The following SLC2A9 variants were observed in gnomAD, a reference collection of about 807,000 sequenced individuals.
SLC2A9 encodes solute carrier family 2, facilitated glucose transporter member 9.
A neutral mutation model predicts 50.6 loss-of-function variants in SLC2A9; 39 were observed. That is an observed-to-expected ratio of 0.77 (90% CI 0.60 to 1.01). SLC2A9 has a LOEUF of 1.01. Ranked by LOEUF, SLC2A9 falls within the 50% of genes least tolerant of loss-of-function variation. SLC2A9 has a pLI of 0.00. For synonymous variants in SLC2A9, 324 were observed against 276.9 expected, an observed-to-expected ratio of 1.17 and a Z score of -1.69; for missense variants, 686 against 677.6, an observed-to-expected ratio of 1.01 and a Z score of -0.14.
At position 10,029,832 on chromosome 4, in the gene SLC2A9, C is replaced by T. The variant is rs992890648; in HGVS notation, c.-40-3826G>A. Among the ~76,000 whole-genome samples, 4 of 151,752 alleles carry T rather than the reference C, an allele frequency of 2.6e-5. No individual in the cohort carries two copies. The South Asian group carries it at 8.3e-4, about 32-fold the overall frequency. ...GTTTTTTTTAGTAGAGATGGGGTTT[C>T]GCCATGTTGGCCAGGATGGTCTGGA... On this transcript the variant is annotated intron_variant, in intron 1 of 12. Transcript: ENST00000309065.
intron 11 of SLC2A9, 79 bp downstream of exon 11, chr4:9,834,802 T>C: frequency 6.3e-7 from 1 of 1,599,280 alleles, no homozygotes; most frequent in Non-Finnish European, 8.6e-7. Flanking sequence ...AGAGATCAAC[T>C]TCTGCTCTAT....
downstream of SLC2A9, among the ~76,000 whole-genome samples, chr4:9,823,244 T>C (rs574824728): frequency 6.6e-6 from 1 of 152,214 alleles, no homozygotes; most frequent in South Asian, 2.1e-4. Flanking sequence ...CAACTCCTGG[T>C]CAGGAATTAG....
intron 5 of SLC2A9, among the ~76,000 whole-genome samples, chr4:9,979,749 T>A (rs1755391980): frequency 6.6e-6 from 1 of 151,964 alleles, no homozygotes; most frequent in South Asian, 2.1e-4. Flanking sequence ...GGCTTCCTAT[T>A]CCCCCAGGGT....
chr4:9,927,501 A>G (rs1745125166), intron 6 of SLC2A9, among the ~76,000 whole-genome samples: 1 of 152,246 alleles, frequency 6.6e-6, no homozygotes. Flanking sequence ...ATAGGGCAAT[A>G]GCCTCGTATA....
intron 1 of SLC2A9, among the ~76,000 whole-genome samples, chr4:10,019,646 GTGC>G (rs1222696186): frequency 1.3e-5 from 2 of 152,212 alleles, no homozygotes; most frequent in Non-Finnish European, 1.5e-5. Context: ...CGTCACCTGA[GTGC>G]CGTTGTCCAA....
chr4:9,955,980 C>T (rs1031142324), intron 5 of SLC2A9, among the ~76,000 whole-genome samples: 2 of 141,824 alleles, frequency 1.4e-5, no homozygotes, highest in Non-Finnish European at 3.0e-5. Flanking sequence ...CATGTTCAAG[C>T]GATTCTCCTG....
intron 3 of SLC2A9, among the ~76,000 whole-genome samples, chr4:9,812,169 C>T (rs1451314038): frequency 6.6e-6 from 1 of 152,176 alleles, no homozygotes; most frequent in Non-Finnish European, 1.5e-5. Flanking sequence ...ATTTTCAGCA[C>T]TTTTAAAGTT....
At chr4:9,985,023 G>A (rs1756477697) in intron 4 of SLC2A9, among the ~76,000 whole-genome samples, 1 of 152,066 alleles carries the variant, frequency 6.6e-6, no homozygotes, top group African/African-American at 2.4e-5. Flanking sequence ...CTCTCTGCTG[G>A]GAACAGTTCT....
At chr4:9,841,101 A>T (rs1043570707) in intron 10 of SLC2A9, among the ~76,000 whole-genome samples, 13 of 152,196 alleles carry the variant, frequency 8.5e-5, no homozygotes, top group African/African-American at 3.1e-4. Flanking sequence ...ACAGAACCAA[A>T]TCATATTCTG....
At position 9,834,977 on chromosome 4, in the gene SLC2A9, G is replaced by T; in HGVS notation, c.1323C>A (p.Phe441Leu). The part of the protein sequence containing the change: ...GGIPFILTGE[F>L]FQQSQRPAAF... ...CAGCCGGCCGCTGAGATTGCTGGAA[G>T]AACTCACCAGTCAAGATGAACGGGA... Residue 441 changes from phenylalanine to leucine, a missense_variant, in exon 11 of 12, where the codon TTC (phenylalanine) becomes TTA (leucine). Coordinates refer to ENST00000264784, the MANE Select transcript of SLC2A9 (RefSeq NM_020041.3). 6.2e-7 allele frequency: 1 copy of T among 1,613,890 alleles called. No individual in the cohort carries two copies. Among genetic ancestry groups the T allele is most frequent in the Non-Finnish European group, 8.5e-7 (1 of 1,180,014 alleles).
chr4:9,794,105 T>C (rs1214779092), downstream of SLC2A9, among the ~76,000 whole-genome samples: 47 of 152,180 alleles, frequency 3.1e-4, no homozygotes, highest in Non-Finnish European at 1.3e-4. Context: ...TCATCCCATA[T>C]CATATGCCAC....
chr4:10,038,565 C>T lies in SLC2A9; in HGVS notation c.-41+1565G>A, dbSNP rs13115776. Among the ~76,000 whole-genome samples the T allele has an allele frequency of 1.0e-4, 15 of 148,078 alleles. 1 individual carries two copies. In the South Asian group the frequency reaches 2.3e-3, roughly 23 times the overall value. The stretch of plus-strand genomic sequence containing the variant: ...CAGACAAGTGGGTACAGCCAGGCCA[C>T]GGAACAAAGTGTTCCTCTATCACTT... On this transcript the variant is annotated intron_variant, in intron 1 of 12. Transcript: ENST00000309065.
chr4:9,976,989 G>A (rs919184100), intron 5 of SLC2A9, among the ~76,000 whole-genome samples: 3 of 151,960 alleles, frequency 2.0e-5, no homozygotes, highest in Non-Finnish European at 2.9e-5. Flanking sequence ...CTCCTCTCTG[G>A]GACACCACAT....
chr4:9,971,255 T>C (rs13103879), intron 5 of SLC2A9, among the ~76,000 whole-genome samples: 83,213 of 152,058 alleles, frequency 0.55, 23,708 homozygotes, highest in African/African-American at 0.72. Context: ...ATTTATTTAA[T>C]TGGTTGCTTT....
chr4:10,004,137 G>C (rs1344734759), intron 2 of SLC2A9, among the ~76,000 whole-genome samples: 3 of 152,226 alleles, frequency 2.0e-5, no homozygotes, highest in African/African-American at 7.2e-5. Flanking sequence ...GGGGAGAAGA[G>C]GAGACATGGA....
chr4:9,845,491 G>A (rs1286549636), intron 10 of SLC2A9, among the ~76,000 whole-genome samples: 2 of 137,198 alleles, frequency 1.5e-5, no homozygotes, highest in East Asian at 4.3e-4. Context: ...GTGCAGTGGC[G>A]CGATCTCGGC....
At chr4:9,877,938 G>A (rs1469695423) in intron 10 of SLC2A9, among the ~76,000 whole-genome samples, 1 of 152,106 alleles carries the variant, frequency 6.6e-6, no homozygotes, top group Non-Finnish European at 1.5e-5. Flanking sequence ...TTTGCAGGAG[G>A]GTTTCCTCCT....
intron 11 of SLC2A9, among the ~76,000 whole-genome samples, chr4:9,827,334 G>A (rs778891461): frequency 3.3e-5 from 5 of 152,158 alleles, no homozygotes; most frequent in Non-Finnish European, 7.4e-5. Context: ...GCTTGCTTTG[G>A]TCTCCCAGGT....
upstream of SLC2A9, chr4:10,025,956 C>A: frequency 6.2e-7 from 1 of 1,613,952 alleles, no homozygotes; most frequent in Non-Finnish European, 8.5e-7. Flanking sequence ...GTCCTTTTTA[C>A]TGAGCTTCAT....
Sources: gnomAD v4.1 joint callset for allele counts (sites outside exome capture counted in the v4.1 genomes callset) on GRCh38, gnomAD v4.1.1 for gene constraint, MANE v1.5 for transcripts, NCBI Gene and HGNC (gene_info 2026-07-23, HGNC 2026-07-21) for gene names.